The following MYLK variants were observed in gnomAD, a reference collection of about 807,000 sequenced individuals.
The protein encoded by MYLK is myosin light chain kinase.
A neutral mutation model predicts 203.4 loss-of-function variants in MYLK; 106 were observed. The observed-to-expected ratio is 0.52, with a 90% CI of 0.45 to 0.61. The LOEUF (loss-of-function observed/expected upper bound fraction) is 0.61, where lower values mean the gene tolerates loss of function less well. Among genes scored for constraint, MYLK ranks in the 20% least tolerant of loss-of-function variants. The pLI, the probability that MYLK is intolerant of heterozygous loss-of-function variation, is 0.00. For missense variants in MYLK, 2,072 were observed against 2,442.3 expected, an observed-to-expected ratio of 0.85 and a Z score of 3.20; for synonymous variants, 867 against 959.5, an observed-to-expected ratio of 0.90 and a Z score of 1.78.
chr3:123,714,915 T>TA (rs2061839920), intron 13 of MYLK, among the ~76,000 whole-genome samples: 1 of 151,762 alleles, frequency 6.6e-6, no homozygotes, highest in Non-Finnish European at 1.5e-5. Flanking sequence ...TGCTGACAAG[T>TA]AAAAACGATG....
Position 123,713,579 on chromosome 3 carries a change from ATGTGTGTGTGTGTGTGTGTGTGTGTGTG to A in MYLK, c.1805-3714_1805-3687del, listed in dbSNP as rs3085274. ...CAAGCCAGGTGAAAAGAGCAACACA[ATGTGTGTGTGTGTGTGTGTGTGTGTGTG>A]TGTGTGTGTGTGTGTGTGTGTGTAT... On this transcript the variant is annotated intron_variant, in intron 13 of 33. Transcript: ENST00000360304. Among the ~76,000 whole-genome samples, 7 of 136,380 alleles carry A rather than the reference ATGTGTGTGTGTGTGTGTGTGTGTGTGTG, an allele frequency of 5.1e-5. No individual in the cohort carries two copies. The Admixed American group carries it at 5.1e-4, about 10-fold the overall frequency. 89.5% of individuals were successfully genotyped at this position (136,380 alleles called of 152,430 possible). A position where few individuals can be genotyped will look rare whatever the true frequency, so the allele number is the denominator to read the frequency against.
At position 123,638,136 on chromosome 3, in the gene MYLK, C is replaced by A; in HGVS notation, c.4896G>T (p.Val1632=). 1 of 1,614,138 alleles carries A rather than the reference C, an allele frequency of 6.2e-7. No individual in the cohort carries two copies. The highest frequency in any genetic ancestry group is 8.5e-7 in the Non-Finnish European group (1 of 1,180,020). ...CGTAGCCGATGGGCTCATAGTTGAT[C>A]ACTTCAGGAGCCACAAATTCTGGGG... ...FGTPEFVAPE[V]INYEPIGYAT... is the part of the protein sequence containing the mutation. Residue 1632 remains valine (V), a synonymous_variant, in exon 29 of 34, where the codon GTG becomes GTT. Coordinates refer to ENST00000360304, the MANE Select transcript of MYLK (RefSeq NM_053025.4).
In MYLK at chr3:123,701,450, CT is replaced by C. The variant is rs1216180008; in HGVS notation, c.2449del (p.Arg817GlufsTer33). 1 of 1,614,084 alleles carries C rather than the reference CT, an allele frequency of 6.2e-7. No individual in the cohort carries two copies. Among genetic ancestry groups the C allele is most frequent in the Non-Finnish European group, 8.5e-7 (1 of 1,180,024 alleles). On this transcript the variant is annotated frameshift_variant, in exon 17 of 34. Transcript: ENST00000360304. LOFTEE classifies it high-confidence loss of function. ...TGGGGGCACTCACCGTGGAAGGGCT[CT>C]GGCAGAGCTGTTCTGTAGCATCAGT... is the stretch of plus-strand genomic sequence containing the variant. ...VSLMLQNSSA[R>X]ALPRGREPAS...
At chr3:123,631,345 C>T (rs1010115688) in intron 29 of MYLK, among the ~76,000 whole-genome samples, 8 of 150,586 alleles carry the variant, frequency 5.3e-5, no homozygotes, top group Non-Finnish European at 5.9e-5. Context: ...TTGCAGTGAG[C>T]CAATATCGCA....
In MYLK at chr3:123,611,600, G is replaced by A. The variant is rs1347786674; in HGVS notation, c.*2505C>T. ...GTTTTTCCATGGACCAGGAGAGGGG[G>A]TGGTTTTGGGATTATTCAAGCACAT... is the stretch of plus-strand genomic sequence containing the variant. On this transcript the variant is annotated 3_prime_UTR_variant, in exon 34 of 34. Coordinates refer to ENST00000360304, the MANE Select transcript of MYLK (RefSeq NM_053025.4). The A allele has an allele frequency of 6.6e-6, 1 of 152,116 alleles. No individual in the cohort carries two copies. Among genetic ancestry groups the A allele is most frequent in the African/African-American group, 2.4e-5 (1 of 41,360 alleles). 9.4% of individuals were successfully genotyped at this position (152,116 alleles called of 1,614,324 possible). A position where few individuals can be genotyped will look rare whatever the true frequency, so the allele number is the denominator to read the frequency against.
intron 20 of MYLK, among the ~76,000 whole-genome samples, chr3:123,679,421 C>G (rs1182844414): frequency 6.6e-6 from 1 of 152,000 alleles, no homozygotes; most frequent in African/African-American, 2.4e-5. Flanking sequence ...ATCTCTCAGG[C>G]CCCCAGGGTA....
chr3:123,840,875 G>T (rs1318221876), intron 2 of MYLK, among the ~76,000 whole-genome samples: 1 of 151,150 alleles, frequency 6.6e-6, no homozygotes, highest in Non-Finnish European at 1.5e-5. Flanking sequence ...CTGGGCAACT[G>T]CTTTAGTCTG....
intron 13 of MYLK, chr3:123,716,458 A>T (rs1560121921): frequency 6.6e-6 from 1 of 152,198 alleles, no homozygotes; most frequent in Non-Finnish European, 1.5e-5. Flanking sequence ...AAATGGGAAG[A>T]GAAGTGTGCG....
Position 123,725,993 on chromosome 3 carries a change from C to G in MYLK, c.1602G>C (p.Gln534His). Residue 534 changes from glutamine to histidine, a missense_variant, in exon 12 of 34, where the codon CAG (glutamine) becomes CAC (histidine). Gln to His is a conservative substitution (Grantham distance 24). Around this residue, in one of 3 missense-constraint regions of MYLK, gnomAD observed 865 missense variants for 1,016.0 expected, o/e 0.85. Transcript: ENST00000360304. The stretch of plus-strand genomic sequence containing the variant: ...GCACTGGGGTCCCCCGTACGGAGCA[C>G]TGCAGCACAAAATCCTGGCCCTCAA... ...AVIEGQDFVL[Q>H]CSVRGTPVPR... The G allele has an allele frequency of 6.2e-7, 1 of 1,614,234 alleles. No individual in the cohort carries two copies. The highest frequency in any genetic ancestry group is 8.5e-7 in the Non-Finnish European group (1 of 1,180,042).
At chr3:123,807,817 C>T (rs2065423326) in intron 3 of MYLK, among the ~76,000 whole-genome samples, 1 of 152,244 alleles carries the variant, frequency 6.6e-6, no homozygotes, top group African/African-American at 2.4e-5. Context: ...CTTCTCCAGA[C>T]TCCCTCAACT....
chr3:123,692,583 A>G (rs2060721421), intron 19 of MYLK, 152 bp downstream of exon 19: 2 of 843,592 alleles, frequency 2.4e-6, no homozygotes. Flanking sequence ...CTTTTGGCAA[A>G]AGATATTCAT....
chr3:123,806,091 ATTT>A (rs201032288), intron 3 of MYLK, among the ~76,000 whole-genome samples: 27 of 129,888 alleles, frequency 2.1e-4, no homozygotes, highest in African/African-American at 4.6e-4. Context: ...TTTTTATTTT[ATTT>A]TTTAATTCAT....
In MYLK at chr3:123,752,682, A is replaced by C. The variant is rs912841550; in HGVS notation, c.166-144T>G. ...TCATCCTCATTTTACAGATAAGGAAATCAAGGTACAGAGAGTTTTGGCAAT... is the reference window on the plus strand; with the variant it reads ...TCATCCTCATTTTACAGATAAGGAACTCAAGGTACAGAGAGTTTTGGCAAT... On this transcript the variant is annotated intron_variant, in intron 4 of 33. Transcript: ENST00000360304. 3.2e-6 allele frequency: 3 copies of C among 946,016 alleles called. No individual in the cohort carries two copies. The African/African-American group carries it at 4.9e-5, about 15-fold the overall frequency. 58.6% of individuals were successfully genotyped at this position (946,016 alleles called of 1,614,324 possible).
At chr3:123,696,016 G>A (rs574611815) in intron 18 of MYLK, among the ~76,000 whole-genome samples, 125 of 152,268 alleles carry the variant, frequency 8.2e-4, no homozygotes, top group Non-Finnish European at 1.1e-3. Context: ...TACAGGAAGA[G>A]GAAGGACACC....
chr3:123,691,535 G>T (rs1220780940), intron 19 of MYLK: 5 of 152,216 alleles, frequency 3.3e-5, no homozygotes, highest in African/African-American at 9.7e-5. Context: ...TTATAAAAAA[G>T]ACTTTCTTTT....
Position 123,737,404 on chromosome 3 carries a change from G to A in MYLK, c.728C>T (p.Ser243Leu), listed in dbSNP as rs202126043. The change falls in exon 8 of 34, where the codon TCG (serine) becomes TTG (leucine). Residue 243 changes from serine (S) to leucine (L), a missense_variant. By Grantham distance (145) the Ser-to-Leu change is moderately radical. Coordinates refer to ENST00000360304, the MANE Select transcript of MYLK (RefSeq NM_053025.4). ...CLVVNGSGKASMSAELSIQGL... is the reference protein window; with the variant it reads ...CLVVNGSGKALMSAELSIQGL... ...TTGGATGGAAAGTTCAGCTGACATCGAGGCCTTCCCCGACCCGTTCACCAC... is the reference window on the plus strand; with the variant it reads ...TTGGATGGAAAGTTCAGCTGACATCAAGGCCTTCCCCGACCCGTTCACCAC... The A allele has an allele frequency of 1.4e-5, 22 of 1,613,948 alleles. No individual in the cohort carries two copies. The highest frequency in any genetic ancestry group is 4.5e-5 in the East Asian group (2 of 44,890).
At chr3:123,802,122 TTCTGA>T (rs1400013350) in intron 3 of MYLK, among the ~76,000 whole-genome samples, 10 of 152,250 alleles carry the variant, frequency 6.6e-5, no homozygotes, top group Non-Finnish European at 1.5e-4. Flanking sequence ...ACAAAAGCCA[TTCTGA>T]CTGATGTCAG....
intron 1 of MYLK, among the ~76,000 whole-genome samples, chr3:123,878,263 C>A (rs2033284989): frequency 6.6e-6 from 1 of 152,190 alleles, no homozygotes; most frequent in African/African-American, 2.4e-5. Flanking sequence ...TAGAGAAGGG[C>A]TTCTCTGTCC....
Position 123,657,131 on chromosome 3 carries a change from G to C in MYLK, c.4283C>G (p.Pro1428Arg). 6.2e-7 allele frequency: 1 copy of C among 1,614,150 alleles called. No homozygotes were observed. The highest frequency in any genetic ancestry group is 8.5e-7 in the Non-Finnish European group (1 of 1,180,032). Residue 1428 changes from proline to arginine, a missense_variant, in exon 24 of 34, where the codon CCT (proline) becomes CGT (arginine). Transcript: ENST00000360304. The stretch of plus-strand genomic sequence containing the variant: ...ATGAAGTGATGGCAGCCTACCTTCA[G>C]GTTTCTCTCCTACCGTTGTGAGTTC... ...ESELTTVGEK[P>R]EEPKDEVEVS...
Sources: gnomAD v4.1 joint callset for allele counts (sites outside exome capture counted in the v4.1 genomes callset) on GRCh38, gnomAD v4.1.1 for gene constraint, gnomAD v4.1.1 regional missense constraint, MANE v1.5 for transcripts, NCBI Gene and HGNC (gene_info 2026-07-23, HGNC 2026-07-21) for gene names.